The following ACTR3C variants were observed in gnomAD, a reference collection of about 807,000 sequenced individuals.
ACTR3C encodes actin-related protein 3C.
In ACTR3C, 18 loss-of-function variants were observed where a neutral mutation model predicts 26.3. The ratio of observed to expected loss-of-function variants is 0.68; its 90% confidence interval spans 0.47 to 1.01. The LOEUF is 1.01. Ranked by LOEUF, ACTR3C falls within the 50% of genes least tolerant of loss-of-function variation. The pLI, the probability that ACTR3C is intolerant of heterozygous loss-of-function variation, is 0.00. For synonymous variants in ACTR3C, 55 were observed against 94.5 expected, an observed-to-expected ratio of 0.58 and a Z score of 2.42; for missense variants, 184 against 250.7, an observed-to-expected ratio of 0.73 and a Z score of 1.80.
the ACTR3C span, among the ~76,000 whole-genome samples, chr7:150,188,547 TA>T: frequency 4.0e-5 from 6 of 151,370 alleles, no homozygotes; most frequent in Non-Finnish European, 5.9e-5. Flanking sequence ...TTTTCCAAAG[TA>T]GCTGCTCCGT....
chr7:150,127,485 A>C, the ACTR3C span, among the ~76,000 whole-genome samples: 1 of 151,822 alleles, frequency 6.6e-6, no homozygotes, highest in African/African-American at 2.4e-5. Flanking sequence ...GACTTCCATC[A>C]GCTCTGAGCG....
At chr7:149,905,622 A>G in the ACTR3C span, among the ~76,000 whole-genome samples, 2 of 151,040 alleles carry the variant, frequency 1.3e-5, no homozygotes, top group African/African-American at 4.9e-5. Flanking sequence ...AACCTCTACA[A>G]AGAGTTCCTA....
At chr7:150,307,134 A>C (rs999074937) in intron 1 of ACTR3C, among the ~76,000 whole-genome samples, 1 of 152,268 alleles carries the variant, frequency 6.6e-6, no homozygotes, top group African/African-American at 2.4e-5. Context: ...CACAGTCGTC[A>C]GGAGACCCTG....
chr7:150,174,337 C>A, the ACTR3C span, among the ~76,000 whole-genome samples: 2 of 138,276 alleles, frequency 1.4e-5, 1 homozygote, highest in African/African-American at 6.7e-5. Flanking sequence ...AAAGCAGAAA[C>A]CCCTGATAAA....
the ACTR3C span, among the ~76,000 whole-genome samples, chr7:150,041,911 A>AGG: frequency 4.6e-4 from 59 of 127,128 alleles, no homozygotes; most frequent in Admixed American, 9.2e-4. Context: ...CCTCAGAGCC[A>AGG]GGGGGGGAAG....
chr7:150,114,718 G>A, the ACTR3C span, among the ~76,000 whole-genome samples: 1 of 152,212 alleles, frequency 6.6e-6, no homozygotes, highest in Non-Finnish European at 1.5e-5. Context: ...TGTGTAACCA[G>A]TGGAAACAAA....
the ACTR3C span, among the ~76,000 whole-genome samples, chr7:150,123,621 A>C: frequency 5.3e-5 from 8 of 150,052 alleles, no homozygotes; most frequent in East Asian, 2.0e-4. Flanking sequence ...ACAAACACAC[A>C]CCCCTATTGG....
At chr7:150,231,608 C>T in the ACTR3C span, among the ~76,000 whole-genome samples, 1 of 150,722 alleles carries the variant, frequency 6.6e-6, no homozygotes, top group Non-Finnish European at 1.5e-5. Context: ...ATAAATTATC[C>T]AGCTTCATGT....
chr7:150,036,736 G>T, the ACTR3C span, among the ~76,000 whole-genome samples: 8 of 138,052 alleles, frequency 5.8e-5, 1 homozygote, highest in South Asian at 1.3e-3. Context: ...CGGACCCGTC[G>T]GATCGTAAAT....
chr7:150,317,002 G>A (rs1386798486), intron 1 of ACTR3C, among the ~76,000 whole-genome samples: 1 of 152,008 alleles, frequency 6.6e-6, no homozygotes, highest in African/African-American at 2.4e-5. Flanking sequence ...TTTCTGCTAA[G>A]CATTTTCCTT....
the ACTR3C span, among the ~76,000 whole-genome samples, chr7:149,953,661 G>A: frequency 0.039 from 5,996 of 152,222 alleles, 392 homozygotes; most frequent in African/African-American, 0.14. Context: ...CTCCGTCTTC[G>A]TTGCCTTTTT....
At chr7:150,041,227 C>T in the ACTR3C span, 2 of 150,784 alleles carry the variant, frequency 1.3e-5, no homozygotes, top group African/African-American at 5.0e-5. Context: ...TGACCTCATA[C>T]AAAGGCTTGG....
chr7:149,905,208 A>G, the ACTR3C span, among the ~76,000 whole-genome samples: 1 of 152,052 alleles, frequency 6.6e-6, no homozygotes, highest in Non-Finnish European at 1.5e-5. Flanking sequence ...AGTGTTTAAC[A>G]CTGTGAGTAT....
At chr7:150,239,507 GCTCTCTCTCTCTCT>G (rs1187583060), downstream of ACTR3C, among the ~76,000 whole-genome samples, 9 of 102,962 alleles carry the variant, frequency 8.7e-5, no homozygotes, top group East Asian at 1.6e-3. Context: ...AAAGTTGCTC[GCTCTCTCTCTCTCT>G]CTCTCTCTCT....
chr7:150,053,643 G>A, the ACTR3C span, among the ~76,000 whole-genome samples: 1 of 152,336 alleles, frequency 6.6e-6, no homozygotes, highest in African/African-American at 2.4e-5. Flanking sequence ...AAGCAACAGC[G>A]AAACCAAAAT....
intron 6 of ACTR3C, among the ~76,000 whole-genome samples, chr7:150,266,348 A>C (rs1476398487): frequency 2.0e-5 from 3 of 149,628 alleles, no homozygotes; most frequent in Non-Finnish European, 4.4e-5. Flanking sequence ...TCTTCAACAA[A>C]TGATGTGGGA....
At chr7:150,089,726 T>A in the ACTR3C span, among the ~76,000 whole-genome samples, 1 of 152,196 alleles carries the variant, frequency 6.6e-6, no homozygotes, top group Admixed American at 6.5e-5. Flanking sequence ...TTCTGACTAT[T>A]TCTGATCAGG....
chr7:150,215,327 A>G, the ACTR3C span, among the ~76,000 whole-genome samples: 6 of 152,204 alleles, frequency 3.9e-5, no homozygotes, highest in South Asian at 2.1e-4. Context: ...CCAACATTTT[A>G]CTAATTCATT....
At chr7:150,197,371 CTT>C in the ACTR3C span, among the ~76,000 whole-genome samples, 1 of 152,232 alleles carries the variant, frequency 6.6e-6, no homozygotes. Context: ...TGACGTCTGA[CTT>C]GATCTGAATC....
Sources: allele counts gnomAD v4.1 joint callset (sites outside exome capture counted in the v4.1 genomes callset), GRCh38; gene constraint gnomAD v4.1.1; transcripts MANE v1.5; gene names NCBI Gene and HGNC (gene_info 2026-07-23, HGNC 2026-07-21).